Variants in KLC2 observed in about 807,000 individuals in gnomAD.
KLC2 encodes the protein KLC 2.
Under a neutral mutation model 75.1 loss-of-function variants are expected in KLC2, and 35 were observed. That is an observed-to-expected ratio of 0.47 (90% CI 0.36 to 0.62). The LOEUF (loss-of-function observed/expected upper bound fraction) is 0.62, where lower values mean the gene tolerates loss of function less well. Among genes scored for constraint, KLC2 ranks in the 20% least tolerant of loss-of-function variants. The pLI, the probability that KLC2 is intolerant of heterozygous loss-of-function variation, is 0.00. For synonymous variants in KLC2, 314 were observed against 336.7 expected, an observed-to-expected ratio of 0.93 and a Z score of 0.74; for missense variants, 611 against 833.2, an observed-to-expected ratio of 0.73 and a Z score of 3.28.
chr11:66,264,307 C>G (rs908397048), intron 8 of KLC2, 38 bp from the exon 9 acceptor site: 3 of 1,585,836 alleles, frequency 1.9e-6, no homozygotes, highest in Non-Finnish European at 2.6e-6. Context: ...GGCTTGGCTG[C>G]ATGCATCCCG....
chr11:66,258,578 T>C lies in KLC2; in HGVS notation c.-11-6T>C. 1 of 1,594,490 alleles carries C rather than the reference T, an allele frequency of 6.3e-7. No homozygotes were observed. Among genetic ancestry groups the C allele is most frequent in the Non-Finnish European group, 8.6e-7 (1 of 1,164,022 alleles). ...CGCCCGCCTGCCCGCACCCTCGTCC[T>C]CACAGACGCCACAGCCATGGCCATG... On this transcript the variant is annotated splice_region_variant and splice_polypyrimidine_tract_variant and intron_variant, in intron 1 of 15. Transcript: ENST00000394067.
At position 66,261,703 on chromosome 11, in the gene KLC2, T is replaced by C. The variant is rs781060593; in HGVS notation, c.229-39T>C. ...CAGGCTACAGTCATAGGCGAGGGGG[T>C]CGACAGGCCTCCGACCCTTACCTGG... On this transcript the variant is annotated intron_variant, in intron 2 of 15. Coordinates refer to ENST00000394067, the MANE Select transcript of KLC2 (RefSeq NM_001318734.2). 7 of 1,413,906 alleles carry C rather than the reference T, an allele frequency of 5.0e-6. No individual in the cohort carries two copies. In the South Asian group the frequency reaches 8.4e-5, roughly 17 times the overall value. 87.6% of individuals were successfully genotyped at this position (1,413,906 alleles called of 1,614,324 possible). A position where few individuals can be genotyped will look rare whatever the true frequency, so the allele number is the denominator to read the frequency against.
At chr11:66,250,634 A>T in the KLC2 span, among the ~76,000 whole-genome samples, 1 of 152,228 alleles carries the variant, frequency 6.6e-6, no homozygotes, top group Non-Finnish European at 1.5e-5. Context: ...TGGTGCACAC[A>T]GGAGGGATGT....
chr11:66,246,567 T>C, the KLC2 span, among the ~76,000 whole-genome samples: 1 of 152,152 alleles, frequency 6.6e-6, no homozygotes, highest in Admixed American at 6.5e-5. Flanking sequence ...GCCAGGACTT[T>C]CCACCCACTT....
At chr11:66,262,257 G>A (rs1009093628) in intron 4 of KLC2, 65 bp downstream of exon 4, 68 of 1,282,034 alleles carry the variant, frequency 5.3e-5, no homozygotes, top group East Asian at 7.0e-5. Context: ...CCTTGGGACC[G>A]AGTGGCTGCC....
upstream of KLC2, among the ~76,000 whole-genome samples, chr11:66,255,207 A>G (rs1049639914): frequency 6.6e-6 from 1 of 152,220 alleles, no homozygotes; most frequent in Non-Finnish European, 1.5e-5. Flanking sequence ...ATATTTTGAG[A>G]CAGGGTCTGG....
the KLC2 span, chr11:66,246,274 A>C: frequency 6.6e-6 from 1 of 152,534 alleles, no homozygotes; most frequent in East Asian, 1.9e-4. Context: ...GCTGCAGGGC[A>C]GGAGCTGTGC....
chr11:66,254,686 T>C (rs1229499257), upstream of KLC2, among the ~76,000 whole-genome samples: 2 of 98,894 alleles, frequency 2.0e-5, no homozygotes, highest in Non-Finnish European at 4.3e-5. Flanking sequence ...AAAAAAAAAG[T>C]CCACTTTGGG....
chr11:66,256,953 T>G, upstream of KLC2, among the ~76,000 whole-genome samples: 1 of 151,688 alleles, frequency 6.6e-6, no homozygotes, highest in Admixed American at 6.6e-5. Context: ...TGGGGAAGGG[T>G]CAGGAAACTG....
Position 66,267,787 on chromosome 11 carries a change from C to A in KLC2, c.*831C>A. Reference sequence around the variant, plus strand: ...GGTCCCCTGGTGGCAGGAGGGGCTCCCCCTGTTGCGGGTGAGGCGGCTGCT... The same window carrying A: ...GGTCCCCTGGTGGCAGGAGGGGCTCACCCTGTTGCGGGTGAGGCGGCTGCT... On this transcript the variant is annotated 3_prime_UTR_variant, in exon 16 of 16. Coordinates refer to ENST00000394067, the MANE Select transcript of KLC2 (RefSeq NM_001318734.2). 1 of 445,368 alleles carries A rather than the reference C, an allele frequency of 2.2e-6. No individual in the cohort carries two copies. 27.6% of individuals were successfully genotyped at this position (445,368 alleles called of 1,614,324 possible). A position where few individuals can be genotyped will look rare whatever the true frequency, so the allele number is the denominator to read the frequency against.
At chr11:66,246,525 C>T in the KLC2 span, among the ~76,000 whole-genome samples, 1 of 152,150 alleles carries the variant, frequency 6.6e-6, no homozygotes, top group African/African-American at 2.4e-5. Flanking sequence ...CCTACAGTCG[C>T]CCTCTCTCCT....
rs1276643819 is a variant in KLC2 at position 66,257,765 on chromosome 11, G to A, written c.-118G>A. The A allele has an allele frequency of 2.9e-4, 45 of 152,786 alleles. No homozygotes were observed. Among genetic ancestry groups the A allele is most frequent in the Non-Finnish European group, 7.3e-5 (5 of 68,470 alleles). 9.5% of individuals were successfully genotyped at this position (152,786 alleles called of 1,614,324 possible). Reference sequence around the variant, plus strand: ...TCACCTTTAAGGCGGCGCGGGGGCTGCTGGGAAGGCCGGCGGGATGGAGGC... The same window carrying A: ...TCACCTTTAAGGCGGCGCGGGGGCTACTGGGAAGGCCGGCGGGATGGAGGC... On this transcript the variant is annotated 5_prime_UTR_variant, in exon 1 of 16. Coordinates refer to ENST00000394067, the MANE Select transcript of KLC2 (RefSeq NM_001318734.2).
upstream of KLC2, among the ~76,000 whole-genome samples, chr11:66,254,840 G>A (rs1028662955): frequency 2.6e-5 from 4 of 151,706 alleles, no homozygotes; most frequent in African/African-American, 7.3e-5. Flanking sequence ...CAGAAGAATC[G>A]CTTGAACCCA....
rs1035428277 is a variant in KLC2 at position 66,262,893 on chromosome 11, C to G, written c.609C>G (p.Asn203Lys). ...CGGCCCGGCTCCGCACCCTGCACAA[C>G]CTGGTGATCCAATACGCCTCACAGG... is the stretch of plus-strand genomic sequence containing the variant. The part of the protein sequence containing the change: ...EIPARLRTLH[N>K]LVIQYASQGR... Residue 203 changes from asparagine to lysine, a missense_variant, in exon 5 of 16, where the codon AAC becomes AAG. By Grantham distance (94) the Asn-to-Lys change is moderately conservative (BLOSUM62 0). Coordinates refer to ENST00000394067, the MANE Select transcript of KLC2 (RefSeq NM_001318734.2). 3 of 1,613,886 alleles carry G rather than the reference C, an allele frequency of 1.9e-6. No homozygotes were observed. Among genetic ancestry groups the G allele is most frequent in the Non-Finnish European group, 1.7e-6 (2 of 1,179,958 alleles).
chr11:66,251,582 G>A, the KLC2 span, among the ~76,000 whole-genome samples: 3 of 139,890 alleles, frequency 2.1e-5, 1 homozygote, highest in Non-Finnish European at 4.9e-5. Context: ...AAACCAGCCT[G>A]ACCAACATGG....
At chr11:66,263,444 G>A (rs1389596127) in intron 5 of KLC2, among the ~76,000 whole-genome samples, 1 of 152,232 alleles carries the variant, frequency 6.6e-6, no homozygotes, top group South Asian at 2.1e-4. Flanking sequence ...CAGGCAGTCG[G>A]TGGGACCCCA....
intron 9 of KLC2, 188 bp from the exon 10 acceptor site, chr11:66,264,835 G>A: frequency 1.7e-6 from 1 of 605,698 alleles, no homozygotes; most frequent in Non-Finnish European, 3.0e-6. Flanking sequence ...GCTGTGGCCT[G>A]AGGTGCAAGG....
intron 2 of KLC2, among the ~76,000 whole-genome samples, chr11:66,259,115 T>C (rs74827332): frequency 5.3e-5 from 8 of 152,230 alleles, no homozygotes; most frequent in African/African-American, 1.9e-4. Context: ...TAAGGAAACA[T>C]AGCCTCCCAC....
Position 66,263,847 on chromosome 11 carries a change from C to CCG in KLC2, c.841-3_841-2insGC. On this transcript the variant is annotated splice_polypyrimidine_tract_variant and splice_region_variant and intron_variant, in intron 6 of 15. Transcript: ENST00000394067. ...TCAAGAAGCTTCCGTTCTCCCACCT[C>CCG]CAGGTGGCTGCGACACTAAACAACC... 8 of 1,612,914 alleles carry CCG rather than the reference C, an allele frequency of 5.0e-6. No homozygotes were observed. The highest frequency in any genetic ancestry group is 6.8e-6 in the Non-Finnish European group (8 of 1,178,862).
Sources: allele counts gnomAD v4.1 joint callset (sites outside exome capture counted in the v4.1 genomes callset), GRCh38; gene constraint gnomAD v4.1.1; transcripts MANE v1.5; gene names NCBI Gene and HGNC (gene_info 2026-07-23, HGNC 2026-07-21).